Variants in CRB1 observed in about 807,000 individuals in gnomAD.
CRB1 encodes the protein crumbs cell polarity complex component 1.
A neutral mutation model predicts 120.0 loss-of-function variants in CRB1; 83 were observed. The observed-to-expected ratio is 0.69, with a 90% confidence interval of 0.58 to 0.83. The LOEUF is 0.83. CRB1 is among the 40% of genes least tolerant of loss of function. The pLI is 0.00. For missense variants in CRB1, 1,699 were observed against 1,687.6 expected (o/e 1.01, Z -0.12); for synonymous variants, 625 against 612.5 (o/e 1.02, Z -0.30).
intron 3 of CRB1, among the ~76,000 whole-genome samples, chr1:197,346,290 G>GAA (rs201746647): frequency 1.4e-4 from 19 of 138,222 alleles, no homozygotes; most frequent in Admixed American, 4.4e-4. Context: ...AATCAGAACT[G>GAA]AAAAAAAAAA....
chr1:197,386,178 C>T (rs1396873516), intron 5 of CRB1, among the ~76,000 whole-genome samples: 1 of 152,028 alleles, frequency 6.6e-6, no homozygotes, highest in African/African-American at 2.4e-5. Flanking sequence ...AATACCAGCT[C>T]TTGCCAGTTT....
chr1:197,366,034 T>C (rs561543749), intron 5 of CRB1, among the ~76,000 whole-genome samples: 1 of 152,220 alleles, frequency 6.6e-6, no homozygotes, highest in Non-Finnish European at 1.5e-5. Context: ...GTTATAGTAG[T>C]ATAAAGAAAA....
the CRB1 span, among the ~76,000 whole-genome samples, chr1:197,252,965 T>A: frequency 6.6e-6 from 1 of 152,092 alleles, no homozygotes; most frequent in East Asian, 1.9e-4. Context: ...ATTCAAATGC[T>A]AATCCCTCTG....
intron 5 of CRB1, among the ~76,000 whole-genome samples, chr1:197,378,616 G>A (rs1200058266): frequency 6.6e-6 from 1 of 152,142 alleles, no homozygotes; most frequent in Non-Finnish European, 1.5e-5. Context: ...TCTCATGGTA[G>A]TCTGACCCCA....
rs1667257557 is a variant in CRB1 at position 197,477,696 on chromosome 1, C to G, written c.4038C>G (p.Thr1346=). ...ATGACTTGATCTCCGACATTTTCACCACTATTGGCTCAGTGACTGTCGCCT... is the reference window on the plus strand; with the variant it reads ...ATGACTTGATCTCCGACATTTTCACGACTATTGGCTCAGTGACTGTCGCCT... ...LADDLISDIF[T]TIGSVTVALL... is the part of the protein sequence containing the mutation. The change falls in exon 12 of 12, where the codon ACC becomes ACG. Residue 1346 remains threonine, a synonymous_variant. Transcript: ENST00000367400. 6.2e-7 allele frequency: 1 copy of G among 1,613,690 alleles called. No individual in the cohort carries two copies. The highest frequency in any genetic ancestry group is 8.5e-7 in the Non-Finnish European group (1 of 1,179,844).
chr1:197,438,399 T>C, intron 9 of CRB1, 148 bp from the exon 10 acceptor site: 2 of 923,626 alleles, frequency 2.2e-6, no homozygotes, highest in South Asian at 2.9e-5. Context: ...GATTCTTGCA[T>C]AATGCAGCAC....
At chr1:197,363,700 T>C in intron 5 of CRB1, 2 of 414,802 alleles carry the variant, frequency 4.8e-6, no homozygotes, top group South Asian at 3.2e-5. Context: ...ACCCAAGCCC[T>C]TTTGGAACTG....
Position 197,289,355 on chromosome 1 carries a change from C to T in CRB1, c.70+20873C>T, listed in dbSNP as rs1232817293. Among the ~76,000 whole-genome samples the T allele has an allele frequency of 5.9e-5, 9 of 151,778 alleles. 1 individual carries two copies. The East Asian group carries it at 1.8e-3, about 30-fold the overall frequency. Reference sequence around the variant, plus strand: ...TTTCTTCTATGGAAAATTGTGCTCTCATTTCACTCTAATTTTGGTTCCTCT... The same window carrying T: ...TTTCTTCTATGGAAAATTGTGCTCTTATTTCACTCTAATTTTGGTTCCTCT... On this transcript the variant is annotated intron_variant, in intron 1 of 11. Coordinates refer to ENST00000367400, the MANE Select transcript of CRB1 (RefSeq NM_201253.3).
chr1:197,216,790 T>C, the CRB1 span, among the ~76,000 whole-genome samples: 5 of 152,120 alleles, frequency 3.3e-5, no homozygotes, highest in Admixed American at 3.3e-4. Context: ...TCAGCTGCCA[T>C]AGGTCAGGAA....
intron 5 of CRB1, 143 bp from the exon 6 acceptor site, chr1:197,420,857 A>AT (rs1664266330): frequency 1.5e-6 from 1 of 663,068 alleles, no homozygotes; most frequent in South Asian, 1.7e-5. Context: ...ACTTTTCCTT[A>AT]TTAAGTGTTT....
At chr1:197,325,547 T>C (rs1658445387) in intron 1 of CRB1, among the ~76,000 whole-genome samples, 1 of 152,174 alleles carries the variant, frequency 6.6e-6, no homozygotes, top group South Asian at 2.1e-4. Flanking sequence ...AGAATTAAAA[T>C]TTAAAAAACT....
intron 5 of CRB1, among the ~76,000 whole-genome samples, chr1:197,382,456 A>G (rs1167121851): frequency 2.6e-5 from 4 of 152,214 alleles, no homozygotes; most frequent in African/African-American, 9.6e-5. Context: ...ATATACAGCT[A>G]TTTTAATTTG....
At chr1:197,261,849 A>G in the CRB1 span, among the ~76,000 whole-genome samples, 3 of 152,264 alleles carry the variant, frequency 2.0e-5, no homozygotes, top group African/African-American at 7.2e-5. Flanking sequence ...GGGTCTCTCA[A>G]TCTCTTTTTT....
At chr1:197,364,265 G>A (rs573765249) in intron 5 of CRB1, among the ~76,000 whole-genome samples, 1 of 152,236 alleles carries the variant, frequency 6.6e-6, no homozygotes, top group African/African-American at 2.4e-5. Context: ...GAAAAGTGGC[G>A]TTGCCCTATA....
intron 5 of CRB1, chr1:197,364,128 C>G (rs1393624085): frequency 2.5e-6 from 2 of 800,946 alleles, no homozygotes; most frequent in Non-Finnish European, 3.9e-6. Context: ...GATGGGACAC[C>G]CAGTATGAAA....
the CRB1 span, among the ~76,000 whole-genome samples, chr1:197,221,963 C>A: frequency 6.6e-6 from 1 of 152,160 alleles, no homozygotes; most frequent in Admixed American, 6.5e-5. Flanking sequence ...CAACCAAAAT[C>A]TTTGCTCACA....
At chr1:197,272,416 A>T (rs1315405147) in intron 1 of CRB1, among the ~76,000 whole-genome samples, 1 of 152,106 alleles carries the variant, frequency 6.6e-6, no homozygotes, top group Non-Finnish European at 1.5e-5. Flanking sequence ...TTTATTAGAT[A>T]CTTCTCTTAG....
chr1:197,416,162 T>G (rs1448420640), intron 5 of CRB1, among the ~76,000 whole-genome samples: 1 of 152,166 alleles, frequency 6.6e-6, no homozygotes, highest in African/African-American at 2.4e-5. Flanking sequence ...CAAATTTGTC[T>G]TACTTTTCCT....
chr1:197,357,379 T>C (rs2125355546), intron 5 of CRB1: 1 of 323,554 alleles, frequency 3.1e-6, no homozygotes, highest in East Asian at 7.6e-5. Flanking sequence ...AGAAAAGTTA[T>C]TGTACTTATA....
Sources: allele counts gnomAD v4.1 joint callset (sites outside exome capture counted in the v4.1 genomes callset), GRCh38; gene constraint gnomAD v4.1.1; transcripts MANE v1.5; gene names NCBI Gene and HGNC (gene_info 2026-07-23, HGNC 2026-07-21).